Variants in SETBP1 observed in about 807,000 individuals in gnomAD.
SETBP1 encodes SET-binding protein.
SETBP1 carries 9 observed loss-of-function variants against 101.0 expected under a neutral mutation model. The observed-to-expected ratio is 0.09, with a 90% CI of 0.05 to 0.16. SETBP1 has a LOEUF of 0.16. Ranked by LOEUF, SETBP1 falls within the 10% of genes least tolerant of loss-of-function variation. SETBP1 has a pLI of 1.00. For synonymous variants in SETBP1, 818 were observed against 788.5 expected, an observed-to-expected ratio of 1.04 and a Z score of -0.63; for missense variants, 1,858 against 2,033.8, an observed-to-expected ratio of 0.91 and a Z score of 1.66.
chr18:44,690,014 T>C (rs1472062638), intron 1 of SETBP1, among the ~76,000 whole-genome samples: 1 of 152,152 alleles, frequency 6.6e-6, no homozygotes, highest in Non-Finnish European at 1.5e-5. Context: ...GACAGCTGAC[T>C]CTGCCTCCTG....
chr18:45,003,433 G>A (rs369404824), intron 4 of SETBP1, among the ~76,000 whole-genome samples: 5 of 152,136 alleles, frequency 3.3e-5, no homozygotes, highest in Non-Finnish European at 7.4e-5. Context: ...CAAGCCTACT[G>A]AGTGGGCCTT....
chr18:45,003,913 T>C (rs2072671016), intron 4 of SETBP1, among the ~76,000 whole-genome samples: 1 of 152,186 alleles, frequency 6.6e-6, no homozygotes, highest in African/African-American at 2.4e-5. Context: ...CAGTGATTCT[T>C]GCCTGGGTTT....
chr18:44,950,134 G>A lies in SETBP1; in HGVS notation c.794G>A (p.Gly265Asp), dbSNP rs777748383. The change falls in exon 4 of 6, where the codon GGT becomes GAT. Residue 265 changes from glycine (G) to aspartate (D), a missense_variant. Physicochemically the swap from Gly to Asp is moderately conservative, Grantham distance 94. Transcript: ENST00000649279. ...GTGGCTTCCTTTGCAAAGGCCCAGG[G>A]TAAGAAAGGCAGTGCAGGGAACACG... ...EPVASFAKAQ[G>D]KKGSAGNTWS... The A allele has an allele frequency of 1.4e-5, 23 of 1,613,788 alleles. No individual in the cohort carries two copies. The Admixed American group carries it at 2.7e-4, about 19-fold the overall frequency.
chr18:44,916,450 T>C (rs1008788007), intron 3 of SETBP1, among the ~76,000 whole-genome samples: 1 of 152,200 alleles, frequency 6.6e-6, no homozygotes, highest in Non-Finnish European at 1.5e-5. Context: ...CTTTCCTTTT[T>C]TTCTTTCTTT....
rs28723421 is a variant in SETBP1, at chr18:44,822,008, C to G, written c.487-47222C>G. Among the ~76,000 whole-genome samples, 3 of 152,314 alleles carry G rather than the reference C, an allele frequency of 2.0e-5. No homozygotes were observed. The South Asian group carries it at 6.2e-4, about 32-fold the overall frequency. On this transcript the variant is annotated intron_variant, in intron 2 of 5. Transcript: ENST00000649279. ...TGAAGCCATTATTTAAAGGATATTC[C>G]TCTCTACTGATTAAATTCTCACTTG...
At chr18:44,743,631 G>A (rs1178056109) in intron 2 of SETBP1, among the ~76,000 whole-genome samples, 2 of 152,182 alleles carry the variant, frequency 1.3e-5, no homozygotes, top group Non-Finnish European at 2.9e-5. Context: ...TTCCAGGAGA[G>A]AGAGGAAAAA....
intron 2 of SETBP1, among the ~76,000 whole-genome samples, chr18:44,864,518 G>A (rs2069086653): frequency 6.6e-6 from 1 of 152,080 alleles, no homozygotes. Context: ...CAAATGGAAG[G>A]CAGGGTCATC....
chr18:45,000,319 C>G (rs187405449), intron 4 of SETBP1, among the ~76,000 whole-genome samples: 1 of 152,304 alleles, frequency 6.6e-6, no homozygotes, highest in African/African-American at 2.4e-5. Flanking sequence ...GAGGTAGGGT[C>G]ACAAGGAAAA....
chr18:44,885,135 A>G (rs2069611940), intron 3 of SETBP1, among the ~76,000 whole-genome samples: 1 of 152,158 alleles, frequency 6.6e-6, no homozygotes, highest in South Asian at 2.1e-4. Context: ...AATGGCGTCT[A>G]GACCTGAAGT....
At chr18:44,788,642 A>G (rs1380167365) in intron 2 of SETBP1, among the ~76,000 whole-genome samples, 1 of 152,144 alleles carries the variant, frequency 6.6e-6, no homozygotes, top group Non-Finnish European at 1.5e-5. Context: ...CACTCCTAAG[A>G]AGGGAGCAGA....
At chr18:44,881,526 C>T (rs1419904226) in intron 3 of SETBP1, among the ~76,000 whole-genome samples, 2 of 152,136 alleles carry the variant, frequency 1.3e-5, no homozygotes, top group Non-Finnish European at 2.9e-5. Flanking sequence ...TCAGAAATTC[C>T]CCATCAGCTG....
chr18:44,961,333 C>A (rs1011770964), intron 4 of SETBP1, among the ~76,000 whole-genome samples: 5 of 152,142 alleles, frequency 3.3e-5, no homozygotes, highest in African/African-American at 1.2e-4. Context: ...ATATTGGTGA[C>A]CCTGAAGACA....
intron 3 of SETBP1, among the ~76,000 whole-genome samples, chr18:44,894,093 A>T (rs1243121337): frequency 1.3e-5 from 2 of 152,164 alleles, no homozygotes; most frequent in Admixed American, 6.5e-5. Flanking sequence ...GAGGGCTGAA[A>T]TAAAAAACAA....
At chr18:44,929,671 C>T (rs959649716) in intron 3 of SETBP1, among the ~76,000 whole-genome samples, 4 of 152,100 alleles carry the variant, frequency 2.6e-5, no homozygotes, top group Non-Finnish European at 5.9e-5. Context: ...AGTTGGATTC[C>T]TAGGTATTTT....
At chr18:44,831,801 G>A (rs2072376562) in intron 2 of SETBP1, among the ~76,000 whole-genome samples, 2 of 152,144 alleles carry the variant, frequency 1.3e-5, no homozygotes, top group African/African-American at 2.4e-5. Context: ...ATATTATTTA[G>A]GTGATTGTGA....
chr18:44,706,463 C>T (rs1337556369), intron 2 of SETBP1, among the ~76,000 whole-genome samples: 2 of 151,474 alleles, frequency 1.3e-5, no homozygotes, highest in Non-Finnish European at 2.9e-5. Flanking sequence ...TGGTGAATGC[C>T]TATAATCCCA....
intron 3 of SETBP1, among the ~76,000 whole-genome samples, chr18:44,903,841 CA>C (rs1431940219): frequency 2.0e-5 from 3 of 152,328 alleles, no homozygotes; most frequent in African/African-American, 7.2e-5. Context: ...CTGATTTATT[CA>C]TCTCCTTTCT....
rs1248321003 is a variant in SETBP1, at chr18:44,730,775, T to TAGATGATAAGATTGTCCTGGG, written c.486+28946_486+28966dup. Among the ~76,000 whole-genome samples the TAGATGATAAGATTGTCCTGGG allele has an allele frequency of 2.6e-5, 4 of 152,332 alleles. No homozygotes were observed. The East Asian group carries it at 5.8e-4, about 22-fold the overall frequency. ...GAAGCTTAAATGGTATCAGGGTTTC[T>TAGATGATAAGATTGTCCTGGG]AGATGATAAGATTGTCCTGGGAGCC... On this transcript the variant is annotated intron_variant, in intron 2 of 5. Transcript: ENST00000649279.
chr18:44,807,498 T>C (rs2071772973), intron 2 of SETBP1, among the ~76,000 whole-genome samples: 1 of 152,174 alleles, frequency 6.6e-6, no homozygotes, highest in Admixed American at 6.5e-5. Flanking sequence ...TTGTTTTTCT[T>C]TGAGATGTTT....
Sources: allele counts gnomAD v4.1 joint callset (sites outside exome capture counted in the v4.1 genomes callset), GRCh38; gene constraint gnomAD v4.1.1; transcripts MANE v1.5; gene names NCBI Gene and HGNC (gene_info 2026-07-23, HGNC 2026-07-21).